CSPG4: variants seen among roughly 807,000 people sequenced by gnomAD.
The protein encoded by CSPG4 is chondroitin sulfate proteoglycan 4, also known as chondroitin sulfate proteoglycan 4 (melanoma-associated).
A neutral mutation model predicts 139.3 loss-of-function variants in CSPG4; 74 were observed. The ratio of observed to expected loss-of-function variants is 0.53; its 90% CI spans 0.44 to 0.64. The LOEUF (loss-of-function observed/expected upper bound fraction) is 0.64, where lower values mean the gene tolerates loss of function less well. Among genes scored for constraint, CSPG4 ranks in the 30% least tolerant of loss-of-function variants. The probability of loss-of-function intolerance (pLI) is 0.00; values close to 1 mark genes in which losing one functional copy is unlikely to be tolerated. For synonymous variants in CSPG4, 1,234 were observed against 1,394.2 expected, an observed-to-expected ratio of 0.89 and a Z score of 2.56; for missense variants, 2,565 against 3,148.3, an observed-to-expected ratio of 0.81 and a Z score of 4.43.
In CSPG4 at chr15:75,675,785, T is replaced by C. The variant is rs1596004648; in HGVS notation, c.6734A>G (p.Tyr2245Cys). The C allele has an allele frequency of 3.7e-6, 6 of 1,612,894 alleles. No homozygotes were observed. The highest frequency in any genetic ancestry group is 5.1e-6 in the Non-Finnish European group (6 of 1,179,626). ...LLALILPLLF[Y>C]LRKRNKTGKH... Reference sequence around the variant, plus strand: ...GCCCGTCTTGTTGCGTTTTCGGAGGTAGAAGAGCAGGGGCAGGATGAGCGC... The same window carrying C: ...GCCCGTCTTGTTGCGTTTTCGGAGGCAGAAGAGCAGGGGCAGGATGAGCGC... Residue 2245 changes from tyrosine (Y) to cysteine (C), a missense_variant, in exon 10 of 10, where the codon TAC becomes TGC. By Grantham distance (194) the Tyr-to-Cys change is radical. Around this residue, in one of 5 missense-constraint regions of CSPG4, gnomAD observed 2,316 missense variants for 2,818.2 expected, o/e 0.82. Transcript: ENST00000308508.
chr15:75,677,395 G>A lies in CSPG4; in HGVS notation c.5135-11C>T. 2.1e-6 allele frequency: 3 copies of A among 1,405,740 alleles called. No homozygotes were observed. The highest frequency in any genetic ancestry group is 2.8e-6 in the Non-Finnish European group (3 of 1,077,434). 87.1% of individuals were successfully genotyped at this position (1,405,740 alleles called of 1,614,324 possible). On this transcript the variant is annotated splice_polypyrimidine_tract_variant and intron_variant, in intron 9 of 9. Transcript: ENST00000308508. ...CGGGGACCCAGAGACCTGGGGGTGG[G>A]ACATAGGCTATGAGGGTCCAGCCCA...
At chr15:75,710,027 C>A (rs1894427421) in intron 1 of CSPG4, among the ~76,000 whole-genome samples, 1 of 151,864 alleles carries the variant, frequency 6.6e-6, no homozygotes, top group Admixed American at 6.5e-5. Context: ...ATCGGTCCCC[C>A]CAAGCCATCC....
chr15:75,674,448 TG>T lies in CSPG4; in HGVS notation c.*1101del. ...AGACTGGCCCACCTGCCCACACAGG[TG>T]GGGGCACAGGAGGTCTGGGAGGCCC... On this transcript the variant is annotated 3_prime_UTR_variant, in exon 10 of 10. Coordinates refer to ENST00000308508, the MANE Select transcript of CSPG4 (RefSeq NM_001897.5). 1 of 349,472 alleles carries T rather than the reference TG, an allele frequency of 2.9e-6. No individual in the cohort carries two copies. The highest frequency in any genetic ancestry group is 5.1e-6 in the Non-Finnish European group (1 of 194,586). The allele number at this position is 349,472 out of a possible 1,614,324, so 21.6% of individuals were successfully genotyped here.
rs1279827836 is a variant in CSPG4, at chr15:75,696,447, C to T, written c.89-3214G>A. On this transcript the variant is annotated intron_variant, in intron 1 of 9. Transcript: ENST00000308508. The surrounding 1 kb of genome is among the most constrained non-coding windows in gnomAD (Gnocchi z 4.2). ...ATTAATAGATGTGTATTTGTGTGTGCGCAAGCATGTGGGTGGCTGCTGGGG... is the reference window on the plus strand; with the variant it reads ...ATTAATAGATGTGTATTTGTGTGTGTGCAAGCATGTGGGTGGCTGCTGGGG... 6.6e-6 allele frequency among the ~76,000 whole-genome samples: 1 copy of T among 152,016 alleles called. No individual in the cohort carries two copies. Among genetic ancestry groups the T allele is most frequent in the Admixed American group, 6.5e-5 (1 of 15,268 alleles).
At position 75,676,003 on chromosome 15, in the gene CSPG4, G is replaced by A. The variant is rs368641097; in HGVS notation, c.6516C>T (p.Ser2172=). ...CCTCGGGGACACTGAGCAGGGCCACGCTGTAGGGCCGGGCAGCATTGTAAG... is the reference window on the plus strand; with the variant it reads ...CCTCGGGGACACTGAGCAGGGCCACACTGTAGGGCCGGGCAGCATTGTAAG... ...TEPYNAARPY[S]VALLSVPEAA... Residue 2172 remains serine (S), a synonymous_variant, in exon 10 of 10, where the codon AGC becomes AGT. Transcript: ENST00000308508. 33 of 1,570,796 alleles carry A rather than the reference G, an allele frequency of 2.1e-5. No homozygotes were observed. In the African/African-American group the frequency reaches 3.8e-4, roughly 18 times the overall value.
intron 1 of CSPG4, among the ~76,000 whole-genome samples, chr15:75,702,254 A>C (rs945923951): frequency 1.3e-5 from 2 of 152,198 alleles, no homozygotes; most frequent in Non-Finnish European, 2.9e-5. Flanking sequence ...TAGACTCTGC[A>C]CTGACTCCGT....
In CSPG4 at chr15:75,677,726, G is replaced by C. The variant is rs1893913352; in HGVS notation, c.5111C>G (p.Pro1704Arg). 1 of 1,604,444 alleles carries C rather than the reference G, an allele frequency of 6.2e-7. No individual in the cohort carries two copies. Among genetic ancestry groups the C allele is most frequent in the African/African-American group, 1.3e-5 (1 of 74,158 alleles). The change falls in exon 9 of 10, where the codon CCC becomes CGC. Residue 1704 changes from proline to arginine, a missense_variant. By Grantham distance (103) the Pro-to-Arg change is moderately radical. This residue lies in a region of CSPG4 where 2,316 missense variants were observed against 2,818.2 expected (regional missense o/e 0.82). Transcript: ENST00000308508. ...VSFEAACPQRPSHLWKNKGLW... is the reference protein window; with the variant it reads ...VSFEAACPQRRSHLWKNKGLW... ...ACCTTTGTTCTTCCAGAGGTGGCTGGGGCGCTGGGGACAGGCAGCCTCAAA... is the reference window on the plus strand; with the variant it reads ...ACCTTTGTTCTTCCAGAGGTGGCTGCGGCGCTGGGGACAGGCAGCCTCAAA...
chr15:75,709,027 C>T (rs1396605407), intron 1 of CSPG4, among the ~76,000 whole-genome samples: 2 of 152,138 alleles, frequency 1.3e-5, no homozygotes, highest in Non-Finnish European at 2.9e-5. Flanking sequence ...GGTTAGTGCA[C>T]ACTATGGGGT....
In CSPG4 at chr15:75,674,589, A is replaced by G. The variant is rs1893862892; in HGVS notation, c.*961T>C. The G allele has an allele frequency of 7.6e-6, 3 of 397,302 alleles. No individual in the cohort carries two copies. Among genetic ancestry groups the G allele is most frequent in the Admixed American group, 4.4e-5 (1 of 22,682 alleles). 24.6% of individuals were successfully genotyped at this position (397,302 alleles called of 1,614,324 possible). A position where few individuals can be genotyped will look rare whatever the true frequency, so the allele number is the denominator to read the frequency against. ...TGCAAGCCGACGCAGACAAGGGCCC[A>G]GTGCATAGTTAAGACACAAACACCA... On this transcript the variant is annotated 3_prime_UTR_variant, in exon 10 of 10. Transcript: ENST00000308508.
At chr15:75,709,518 C>T (rs1368673886) in intron 1 of CSPG4, among the ~76,000 whole-genome samples, 3 of 152,232 alleles carry the variant, frequency 2.0e-5, no homozygotes, top group Non-Finnish European at 4.4e-5. Flanking sequence ...GCAAGTGCCA[C>T]TGGCCCAGAT....
At chr15:75,686,404 G>C (rs1894058242) in intron 3 of CSPG4, among the ~76,000 whole-genome samples, 1 of 152,216 alleles carries the variant, frequency 6.6e-6, no homozygotes, top group East Asian at 1.9e-4. Context: ...ACCCCTCCTG[G>C]AGGCACAGCC....
rs1200327117 is a variant in CSPG4 at position 75,677,798 on chromosome 15, G to A, written c.5039C>T (p.Ser1680Leu). 17 of 1,612,220 alleles carry A rather than the reference G, an allele frequency of 1.1e-5. No individual in the cohort carries two copies. Among genetic ancestry groups the A allele is most frequent in the Middle Eastern group, 1.7e-4 (1 of 6,048 alleles). Residue 1680 changes from serine (S) to leucine (L), a missense_variant, in exon 9 of 10, where the codon TCG becomes TTG. Ser to Leu is a moderately radical substitution (Grantham distance 145, BLOSUM62 -2). Transcript: ENST00000308508. ...AHDTLELQLS[S>L]PPARDVAATL... ...GGCGGCCACGTCCCGGGCAGGCGGC[G>A]AGGACAGCTGGAGCTCTAGGGTATC...
intron 1 of CSPG4, among the ~76,000 whole-genome samples, chr15:75,710,144 C>A (rs1224887348): frequency 2.0e-5 from 3 of 152,200 alleles, no homozygotes; most frequent in Non-Finnish European, 4.4e-5. Flanking sequence ...CCAGGTAACA[C>A]ACAAGCCCTC....
At position 75,682,864 on chromosome 15, in the gene CSPG4, G is replaced by A; in HGVS notation, c.4627C>T (p.Leu1543Phe). The A allele has an allele frequency of 6.2e-7, 1 of 1,609,918 alleles. No homozygotes were observed. The highest frequency in any genetic ancestry group is 8.5e-7 in the Non-Finnish European group (1 of 1,179,248). The change falls in exon 6 of 10, where the codon CTC becomes TTC. Residue 1543 changes from leucine to phenylalanine, a missense_variant. Physicochemically the swap from Leu to Phe is conservative, Grantham distance 22. This residue lies in a region of CSPG4 where 2,316 missense variants were observed against 2,818.2 expected (regional missense o/e 0.82). Coordinates refer to ENST00000308508, the MANE Select transcript of CSPG4 (RefSeq NM_001897.5). ...CCACCTCTGTGTGAGAACAGCACGA[G>A]CCCGCCGTCCAGCTGGGCCTGCGTG... ...SFTQAQLDGG[L>F]VLFSHRGTLD...
chr15:75,700,386 A>AG (rs1192575528), intron 1 of CSPG4, among the ~76,000 whole-genome samples: 3 of 84,590 alleles, frequency 3.5e-5, no homozygotes, highest in Admixed American at 3.3e-4. Flanking sequence ...GGCAGCGAGG[A>AG]GGGGGGGACA....
In CSPG4 at chr15:75,677,141, G is replaced by A. The variant is rs1481195438; in HGVS notation, c.5378C>T (p.Thr1793Ile). Residue 1793 changes from threonine to isoleucine, a missense_variant, in exon 10 of 10, where the codon ACC (threonine) becomes ATC (isoleucine). Thr to Ile is a moderately conservative substitution (Grantham distance 89, BLOSUM62 -1). Transcript: ENST00000308508. The part of the protein sequence containing the change: ...QLVYAHGGGG[T>I]QQDGFHFRAH... ...ACGAAAGTGGAAGCCATCCTGCTGG[G>A]TGCCCCCACCGCCGTGGGCATACAC... is the stretch of plus-strand genomic sequence containing the variant. 1 of 1,421,960 alleles carries A rather than the reference G, an allele frequency of 7.0e-7. No homozygotes were observed. The highest frequency in any genetic ancestry group is 9.2e-7 in the Non-Finnish European group (1 of 1,084,922). The allele number at this position is 1,421,960 out of a possible 1,614,324, so 88.1% of individuals were successfully genotyped here.
chr15:75,676,732 C>T lies in CSPG4; in HGVS notation c.5787G>A (p.Leu1929=), dbSNP rs901037995. 14 of 1,577,638 alleles carry T rather than the reference C, an allele frequency of 8.9e-6. No homozygotes were observed. Among genetic ancestry groups the T allele is most frequent in the Non-Finnish European group, 1.2e-5 (14 of 1,160,294 alleles). Residue 1929 remains leucine (L), a synonymous_variant, in exon 10 of 10, where the codon CTG becomes CTA. Coordinates refer to ENST00000308508, the MANE Select transcript of CSPG4 (RefSeq NM_001897.5). ...LSMSDGASPP[L]PMSLAVDILP... is the part of the protein sequence containing the mutation. ...GGATGTCCACAGCCAGGGACATGGG[C>T]AGGGGTGGGCTGGCCCCATCAGACA...
chr15:75,685,493 G>C lies in CSPG4; in HGVS notation c.3998C>G (p.Ser1333Trp). ...SRPEAWSDAF[S>W]LDVASGLGAP... ...ACCCAGGCCTGAGGCCACATCCAGC[G>C]AGAAGGCATCGCTCCAGGCCTCAGG... Residue 1333 changes from serine to tryptophan, a missense_variant, in exon 4 of 10, where the codon TCG becomes TGG. Transcript: ENST00000308508. The C allele has an allele frequency of 6.2e-7, 1 of 1,611,548 alleles. No individual in the cohort carries two copies. Among genetic ancestry groups the C allele is most frequent in the South Asian group, 1.1e-5 (1 of 90,912 alleles).
chr15:75,712,719 CG>C lies in CSPG4; in HGVS notation c.36del (p.Gly13AlafsTer6). On this transcript the variant is annotated frameshift_variant, in exon 1 of 10. Coordinates refer to ENST00000308508, the MANE Select transcript of CSPG4 (RefSeq NM_001897.5). LOFTEE classifies it high-confidence loss of function. ...QSGPRPPLPA[P>X]GLALALTLTM... is the part of the protein sequence containing the mutation. The stretch of plus-strand genomic sequence containing the variant: ...GTCAGGGTCAAAGCCAAGGCCAGGC[CG>C]GGGGCTGGAAGTGGGGGCCGCGGCC... The C allele has an allele frequency of 1.9e-6, 3 of 1,562,120 alleles. No homozygotes were observed. The highest frequency in any genetic ancestry group is 2.6e-6 in the Non-Finnish European group (3 of 1,153,948).
Sources: gnomAD v4.1 joint callset for allele counts (sites outside exome capture counted in the v4.1 genomes callset) on GRCh38, gnomAD v4.1.1 for gene constraint, gnomAD v4.1.1 regional missense constraint, Gnocchi (gnomAD v3.1) non-coding constraint, MANE v1.5 for transcripts, NCBI Gene and HGNC (gene_info 2026-07-23, HGNC 2026-07-21) for gene names.